SLC9C1: variants seen among roughly 807,000 people sequenced by gnomAD.
The protein encoded by SLC9C1 is sodium/hydrogen exchanger 10.
In SLC9C1, 97 loss-of-function variants were observed where a neutral mutation model predicts 140.9. The ratio of observed to expected loss-of-function variants is 0.69; its 90% CI spans 0.58 to 0.82. The LOEUF (loss-of-function observed/expected upper bound fraction) is 0.82. SLC9C1 is among the 40% of genes least tolerant of loss of function. The probability of loss-of-function intolerance (pLI) is 0.00; values close to 1 mark genes in which losing one functional copy is unlikely to be tolerated. For synonymous variants in SLC9C1, 440 were observed against 442.6 expected (o/e 0.99, Z 0.07); for missense variants, 1,340 against 1,389.3 (o/e 0.96, Z 0.56).
At chr3:112,183,089 C>T (rs994362550) in intron 20 of SLC9C1, among the ~76,000 whole-genome samples, 2 of 152,090 alleles carry the variant, frequency 1.3e-5, no homozygotes, top group Non-Finnish European at 2.9e-5. Flanking sequence ...GTACATATTT[C>T]TATTGAGTAT....
chr3:112,231,122 G>A (rs971098931), intron 13 of SLC9C1, among the ~76,000 whole-genome samples: 4 of 102,586 alleles, frequency 3.9e-5, no homozygotes, highest in African/African-American at 1.7e-4. Flanking sequence ...TCTGTCTTTC[G>A]TCTCTCTCTC....
chr3:112,153,445 A>G (rs566281160), intron 27 of SLC9C1, among the ~76,000 whole-genome samples: 3 of 151,486 alleles, frequency 2.0e-5, no homozygotes, highest in East Asian at 3.9e-4. Flanking sequence ...CTGTTTTTCT[A>G]TTGTTATTTC....
At chr3:112,163,997 T>C (rs200390608) in intron 26 of SLC9C1, among the ~76,000 whole-genome samples, 1 of 152,216 alleles carries the variant, frequency 6.6e-6, no homozygotes, top group Non-Finnish European at 1.5e-5. Context: ...TAGCTCTTCT[T>C]GTTGAATTTA....
chr3:112,290,109 C>T (rs922537030), intron 1 of SLC9C1, among the ~76,000 whole-genome samples: 5 of 152,198 alleles, frequency 3.3e-5, no homozygotes, highest in Non-Finnish European at 5.9e-5. Flanking sequence ...TAACATCAAA[C>T]TATTGAGAAA....
chr3:112,266,942 G>C (rs780998651), intron 7 of SLC9C1, among the ~76,000 whole-genome samples: 6 of 152,032 alleles, frequency 3.9e-5, no homozygotes, highest in Admixed American at 6.6e-5. Flanking sequence ...AAATTGTCTT[G>C]TCTATTCTCA....
rs138538981 is a variant in SLC9C1, at chr3:112,256,607, A to G, written c.1197+6317T>C. On this transcript the variant is annotated intron_variant, in intron 10 of 28. Transcript: ENST00000305815. ...CCTTTATGACAAACCCACAGCCAAT[A>G]TCATACTGAGTAGGCAAAGGCTAGA... 7.0e-3 allele frequency among the ~76,000 whole-genome samples: 1,073 copies of G among 152,270 alleles called. 4 individuals are homozygous for G. Among genetic ancestry groups the G allele is most frequent in the Non-Finnish European group, 0.011 (738 of 68,006 alleles).
intron 23 of SLC9C1, among the ~76,000 whole-genome samples, chr3:112,175,847 C>A (rs946163986): frequency 5.9e-5 from 9 of 152,212 alleles, no homozygotes; most frequent in Non-Finnish European, 1.3e-4. Flanking sequence ...GGTGGCCCGC[C>A]CGACCTGCTG....
intron 18 of SLC9C1, 69 bp from the exon 19 acceptor site, chr3:112,200,831 A>T (rs954014170): frequency 1.5e-6 from 2 of 1,357,958 alleles, no homozygotes; most frequent in African/African-American, 2.9e-5. Context: ...TACATTTGCA[A>T]CTGATGGATT....
chr3:112,154,962 A>C, intron 27 of SLC9C1, 35 bp downstream of exon 27: 2 of 1,591,924 alleles, frequency 1.3e-6, no homozygotes, highest in Non-Finnish European at 1.7e-6. Flanking sequence ...CTTTTACCCA[A>C]AATACAACTT....
chr3:112,284,595 A>C (rs576660146), intron 2 of SLC9C1, among the ~76,000 whole-genome samples: 1 of 152,330 alleles, frequency 6.6e-6, no homozygotes, highest in East Asian at 1.9e-4. Context: ...GAATTTAGCA[A>C]AGTCAAATGT....
chr3:112,188,715 T>G (rs1266584911), intron 20 of SLC9C1, among the ~76,000 whole-genome samples: 1 of 152,224 alleles, frequency 6.6e-6, no homozygotes, highest in Non-Finnish European at 1.5e-5. Context: ...TGTGTCTTTA[T>G]AGCAGCATGA....
chr3:112,204,119 C>T (rs933748154), intron 17 of SLC9C1, 99 bp downstream of exon 17: 1 of 1,232,110 alleles, frequency 8.1e-7, no homozygotes, highest in African/African-American at 1.6e-5. Flanking sequence ...ATTAACCCAA[C>T]AGAATATGTT....
At chr3:112,268,468 C>G (rs1447201138) in intron 7 of SLC9C1, among the ~76,000 whole-genome samples, 1 of 152,142 alleles carries the variant, frequency 6.6e-6, no homozygotes, top group East Asian at 1.9e-4. Flanking sequence ...TGTTTAGGTC[C>G]AAACTATTTG....
At chr3:112,144,221 G>A (rs1243604334) in intron 28 of SLC9C1, among the ~76,000 whole-genome samples, 7 of 144,930 alleles carry the variant, frequency 4.8e-5, no homozygotes, top group African/African-American at 1.0e-4. Context: ...ACTGTCGCCC[G>A]GGCTGGAGTG....
intron 26 of SLC9C1, 85 bp downstream of exon 26, chr3:112,167,136 G>T: frequency 6.7e-7 from 1 of 1,481,514 alleles, no homozygotes; most frequent in Non-Finnish European, 9.2e-7. Flanking sequence ...TAGGCAGAAT[G>T]CAAACAACAG....
rs1391430999 is a variant in SLC9C1, at chr3:112,278,828, C to G, written c.219G>C (p.Trp73Cys). 6.2e-7 allele frequency: 1 copy of G among 1,606,706 alleles called. No homozygotes were observed. Among genetic ancestry groups the G allele is most frequent in the Non-Finnish European group, 8.5e-7 (1 of 1,177,704 alleles). The change falls in exon 4 of 29, where the codon TGG becomes TGC. Residue 73 changes from tryptophan to cysteine, a missense_variant. Physicochemically the swap from Trp to Cys is radical, Grantham distance 215 (BLOSUM62 -2). Transcript: ENST00000305815. Reference protein sequence around the residue: ...QVQRYANAIQWMSPDLFFRIF... With the variant: ...QVQRYANAIQCMSPDLFFRIF... Reference sequence around the variant, plus strand: ...TACGAAAAAATAAGTCTGGACTCATCCATTGTATGGCGTTTGCGTATCTTT... The same window carrying G: ...TACGAAAAAATAAGTCTGGACTCATGCATTGTATGGCGTTTGCGTATCTTT...
chr3:112,142,195 G>A (rs1275263487), intron 28 of SLC9C1, among the ~76,000 whole-genome samples: 2 of 152,062 alleles, frequency 1.3e-5, no homozygotes, highest in Non-Finnish European at 2.9e-5. Flanking sequence ...ATATCCCTCA[G>A]TTTTCATCTA....
At chr3:112,243,754 G>A (rs1449490270) in intron 11 of SLC9C1, among the ~76,000 whole-genome samples, 1 of 150,492 alleles carries the variant, frequency 6.6e-6, no homozygotes, top group African/African-American at 2.5e-5. Flanking sequence ...GCAGTGGTGT[G>A]ATCTTGCCTC....
intron 16 of SLC9C1, among the ~76,000 whole-genome samples, chr3:112,207,050 A>G (rs1419496304): frequency 6.6e-6 from 1 of 152,212 alleles, no homozygotes; most frequent in Non-Finnish European, 1.5e-5. Context: ...CTAGTAAATG[A>G]TCATACTAAT....
Sources: allele counts gnomAD v4.1 joint callset (sites outside exome capture counted in the v4.1 genomes callset), GRCh38; gene constraint gnomAD v4.1.1; transcripts MANE v1.5; gene names NCBI Gene and HGNC (gene_info 2026-07-23, HGNC 2026-07-21).